The following GFPT1 variants were observed in gnomAD, a reference collection of about 807,000 sequenced individuals.
GFPT1 encodes glutamine--fructose-6-phosphate aminotransferase [isomerizing] 1.
Under a neutral mutation model 92.0 loss-of-function variants are expected in GFPT1, and 40 were observed. That is an observed-to-expected ratio of 0.43 (90% CI 0.34 to 0.57). GFPT1 has a LOEUF of 0.57. Ranked by LOEUF, GFPT1 falls within the 20% of genes least tolerant of loss-of-function variation. The pLI is 0.02. For synonymous variants in GFPT1, 269 were observed against 280.6 expected (o/e 0.96, Z 0.41); for missense variants, 448 against 869.1 (o/e 0.52, Z 6.09).
At chr2:69,383,536 T>G (rs1672059079) in intron 1 of GFPT1, among the ~76,000 whole-genome samples, 1 of 152,214 alleles carries the variant, frequency 6.6e-6, no homozygotes, top group Admixed American at 6.5e-5. Flanking sequence ...AAAATTCATT[T>G]TAGGATACTT....
chr2:69,382,131 TG>T (rs1374069219), intron 1 of GFPT1, among the ~76,000 whole-genome samples: 1 of 152,208 alleles, frequency 6.6e-6, no homozygotes, highest in African/African-American at 2.4e-5. Flanking sequence ...CCCAAAATGC[TG>T]GTATTACCAG....
chr2:69,373,632 A>T (rs761324527), intron 2 of GFPT1, among the ~76,000 whole-genome samples: 6 of 152,128 alleles, frequency 3.9e-5, no homozygotes, highest in Non-Finnish European at 8.8e-5. Context: ...AATAAATAAT[A>T]AAAATAAGAA....
intron 7 of GFPT1, among the ~76,000 whole-genome samples, chr2:69,354,917 T>C (rs1246821590): frequency 1.3e-5 from 2 of 152,048 alleles, no homozygotes; most frequent in East Asian, 1.9e-4. Context: ...GTTAGGAGGA[T>C]TGCCTGAGTC....
intron 9 of GFPT1, among the ~76,000 whole-genome samples, chr2:69,351,230 A>G (rs1467389431): frequency 6.6e-6 from 1 of 152,220 alleles, no homozygotes; most frequent in East Asian, 1.9e-4. Context: ...TGTATTTCAG[A>G]ATTATGACAC....
intron 1 of GFPT1, among the ~76,000 whole-genome samples, chr2:69,385,533 T>C (rs1672110150): frequency 1.2e-5 from 1 of 83,002 alleles, no homozygotes; most frequent in Non-Finnish European, 2.2e-5. Context: ...CGCTGATTTA[T>C]TTATTTATTT....
chr2:69,386,801 C>T (rs1422666515), intron 1 of GFPT1, among the ~76,000 whole-genome samples: 1 of 152,222 alleles, frequency 6.6e-6, no homozygotes, highest in Non-Finnish European at 1.5e-5. Flanking sequence ...CCTTTCGGTT[C>T]CTTCTCCGCG....
intron 3 of GFPT1, among the ~76,000 whole-genome samples, chr2:69,367,613 G>C (rs766223811): frequency 2.0e-5 from 3 of 152,092 alleles, no homozygotes; most frequent in Non-Finnish European, 4.4e-5. Flanking sequence ...CGCCCACCTC[G>C]GCCTCCCAAA....
intron 15 of GFPT1, among the ~76,000 whole-genome samples, chr2:69,334,017 G>T (rs1395751083): frequency 6.6e-6 from 1 of 152,116 alleles, no homozygotes; most frequent in Admixed American, 6.5e-5. Context: ...TTGGCCAGGC[G>T]TGGTGGCAGT....
intron 18 of GFPT1, 50 bp downstream of exon 18, chr2:69,328,221 G>C (rs754789694): frequency 7.1e-7 from 1 of 1,401,600 alleles, no homozygotes; most frequent in Non-Finnish European, 1.0e-6. Context: ...ATAAGCTAGC[G>C]TAACTCCCCT....
intron 6 of GFPT1, 106 bp from the exon 7 acceptor site, chr2:69,356,663 T>G: frequency 1.3e-6 from 1 of 796,774 alleles, no homozygotes. Flanking sequence ...ACACAAATGC[T>G]CTTTTGTACC....
At chr2:69,337,409 T>C (rs1194432672) in intron 15 of GFPT1, among the ~76,000 whole-genome samples, 1 of 152,206 alleles carries the variant, frequency 6.6e-6, no homozygotes, top group East Asian at 1.9e-4. Context: ...TTACAAACTT[T>C]CAGAGGTAGT....
chr2:69,355,021 GGGGT>G (rs1415013628), intron 7 of GFPT1, among the ~76,000 whole-genome samples: 5 of 152,040 alleles, frequency 3.3e-5, no homozygotes, highest in African/African-American at 1.2e-4. Context: ...TTCTCTATCA[GGGGT>G]CAGCAAACTG....
At chr2:69,357,606 T>G (rs182100411) in intron 6 of GFPT1, among the ~76,000 whole-genome samples, 9 of 152,272 alleles carry the variant, frequency 5.9e-5, no homozygotes, top group Admixed American at 2.0e-4. Context: ...GATATAAGAT[T>G]TGGGTGCAGG....
At chr2:69,378,578 T>C (rs952206187) in intron 1 of GFPT1, among the ~76,000 whole-genome samples, 1 of 152,202 alleles carries the variant, frequency 6.6e-6, no homozygotes, top group Non-Finnish European at 1.5e-5. Context: ...AAAAAGCAAT[T>C]ATGAGCACCT....
At chr2:69,337,758 G>A in intron 15 of GFPT1, 140 bp downstream of exon 15, 1 of 756,548 alleles carries the variant, frequency 1.3e-6, no homozygotes. Flanking sequence ...AAATGTGTGA[G>A]TTCTATAACT....
intron 16 of GFPT1, 50 bp from the exon 17 acceptor site, chr2:69,329,474 A>C (rs1670607866): frequency 7.2e-7 from 1 of 1,382,242 alleles, no homozygotes; most frequent in East Asian, 2.4e-5. Flanking sequence ...CAAATAAAAT[A>C]ACAATATATT....
intron 15 of GFPT1, among the ~76,000 whole-genome samples, chr2:69,332,545 T>C (rs1245462671): frequency 2.6e-5 from 4 of 152,114 alleles, no homozygotes; most frequent in Non-Finnish European, 1.5e-5. Flanking sequence ...CTTGAACTCC[T>C]GTCCTCAAGT....
At chr2:69,370,610 T>C (rs1031701179) in intron 2 of GFPT1, among the ~76,000 whole-genome samples, 6 of 151,934 alleles carry the variant, frequency 3.9e-5, no homozygotes. Context: ...TAGAAACAAG[T>C]GTAGGGAAAG....
At chr2:69,330,685 A>G (rs915958176) in intron 15 of GFPT1, among the ~76,000 whole-genome samples, 1 of 151,980 alleles carries the variant, frequency 6.6e-6, no homozygotes, top group Non-Finnish European at 1.5e-5. Flanking sequence ...TATTAATAAC[A>G]CTTGTGAATA....
Sources: allele counts gnomAD v4.1 joint callset (sites outside exome capture counted in the v4.1 genomes callset), GRCh38; gene constraint gnomAD v4.1.1; transcripts MANE v1.5; gene names NCBI Gene and HGNC (gene_info 2026-07-23, HGNC 2026-07-21).